The following ZNF326 variants were observed in gnomAD, a reference collection of about 807,000 sequenced individuals.
ZNF326 encodes the protein DBIRD complex subunit ZNF326.
Under a neutral mutation model 63.1 loss-of-function variants are expected in ZNF326, and 30 were observed. That is an observed-to-expected ratio of 0.48 (90% CI 0.36 to 0.64). ZNF326 has a LOEUF of 0.64. ZNF326 is among the 30% of genes least tolerant of loss of function. The pLI is 0.00. For synonymous variants in ZNF326, 194 were observed against 228.2 expected (o/e 0.85, Z 1.35); for missense variants, 609 against 720.3 (o/e 0.85, Z 1.77).
At position 90,028,913 on chromosome 1, in the gene ZNF326, C is replaced by T. The variant is rs1175797551; in HGVS notation, c.*1212C>T. ...CAACCTCCTGGGCTCAAGCGATCCT[C>T]CAACTTAGCCTCCCAAGTAGCTGGG... On this transcript the variant is annotated 3_prime_UTR_variant, in exon 12 of 12. Transcript: ENST00000340281. 6.6e-6 allele frequency: 1 copy of T among 151,746 alleles called. No homozygotes were observed. Among genetic ancestry groups the T allele is most frequent in the Non-Finnish European group, 1.5e-5 (1 of 68,068 alleles). The allele number at this position is 151,746 out of a possible 1,614,324, so 9.4% of individuals were successfully genotyped here. A position where few individuals can be genotyped will look rare whatever the true frequency, so the allele number is the denominator to read the frequency against.
At chr1:89,997,868 T>A (rs990925365) in intron 1 of ZNF326, among the ~76,000 whole-genome samples, 1 of 152,214 alleles carries the variant, frequency 6.6e-6, no homozygotes, top group African/African-American at 2.4e-5. Flanking sequence ...TCAGGTGTTG[T>A]AAACTAATGT....
At chr1:90,013,657 C>T (rs1299175794) in intron 7 of ZNF326, among the ~76,000 whole-genome samples, 1 of 152,052 alleles carries the variant, frequency 6.6e-6, no homozygotes, top group Non-Finnish European at 1.5e-5. Context: ...CATTAAAAAG[C>T]TATAATAGTT....
At chr1:89,997,799 C>T (rs542840674) in intron 1 of ZNF326, among the ~76,000 whole-genome samples, 83 of 152,288 alleles carry the variant, frequency 5.5e-4, no homozygotes, top group African/African-American at 1.9e-3. Flanking sequence ...AATCTATCTG[C>T]CTTTGTGTTA....
intron 7 of ZNF326, among the ~76,000 whole-genome samples, chr1:90,016,791 GCTTA>G (rs1455809238): frequency 6.6e-6 from 1 of 152,094 alleles, no homozygotes; most frequent in Non-Finnish European, 1.5e-5. Context: ...TGGCTCTTGA[GCTTA>G]CAGATGTATG....
At chr1:90,000,376 A>G (rs922277969) in intron 2 of ZNF326, among the ~76,000 whole-genome samples, 3 of 152,150 alleles carry the variant, frequency 2.0e-5, no homozygotes, top group Non-Finnish European at 4.4e-5. Context: ...TTCTTGCTTC[A>G]TAATACCTTT....
At chr1:90,011,796 T>G (rs1013448183) in intron 6 of ZNF326, among the ~76,000 whole-genome samples, 10 of 152,150 alleles carry the variant, frequency 6.6e-5, no homozygotes, top group African/African-American at 2.4e-4. Flanking sequence ...ATTCTTCTAT[T>G]CCAAAGAATT....
intron 1 of ZNF326, among the ~76,000 whole-genome samples, chr1:89,995,973 G>A (rs758235633): frequency 2.6e-5 from 4 of 152,154 alleles, no homozygotes; most frequent in Admixed American, 1.3e-4. Context: ...TCAGAATTTT[G>A]GCACAGCAAG....
intron 2 of ZNF326, among the ~76,000 whole-genome samples, chr1:90,002,481 C>G (rs1648732772): frequency 6.6e-6 from 1 of 151,940 alleles, no homozygotes; most frequent in South Asian, 2.1e-4. Context: ...TAATATGAGG[C>G]CTTAGAGGAA....
chr1:90,004,055 T>C (rs1228106609), intron 2 of ZNF326, among the ~76,000 whole-genome samples: 1 of 152,178 alleles, frequency 6.6e-6, no homozygotes, highest in Non-Finnish European at 1.5e-5. Flanking sequence ...TAAATGTTTG[T>C]TTTACTTTCT....
intron 5 of ZNF326, among the ~76,000 whole-genome samples, chr1:90,008,056 T>C (rs1422817806): frequency 6.6e-6 from 1 of 152,224 alleles, no homozygotes; most frequent in Non-Finnish European, 1.5e-5. Context: ...GCAGTTTTGC[T>C]GGTGGAATAG....
Position 90,028,857 on chromosome 1 carries a change from C to T in ZNF326, c.*1156C>T, listed in dbSNP as rs1196013677. On this transcript the variant is annotated 3_prime_UTR_variant, in exon 12 of 12. Coordinates refer to ENST00000340281, the MANE Select transcript of ZNF326 (RefSeq NM_182976.4). ...TTCTTTTTTGGGACAGGGTTTCACT[C>T]TGTCACCCAGGCTGGAGTGCAGTGT... 1 of 150,252 alleles carries T rather than the reference C, an allele frequency of 6.7e-6. No homozygotes were observed. The highest frequency in any genetic ancestry group is 2.5e-5 in the African/African-American group (1 of 40,810). 9.3% of individuals were successfully genotyped at this position (150,252 alleles called of 1,614,324 possible).
At chr1:90,027,293 A>G in intron 11 of ZNF326, 61 bp from the exon 12 acceptor site, 3 of 1,509,764 alleles carry the variant, frequency 2.0e-6, no homozygotes. Context: ...TAAAAATTTC[A>G]CTTGCCAGAT....
chr1:90,000,994 A>G lies in ZNF326; in HGVS notation c.61+2840A>G, dbSNP rs556904954. On this transcript the variant is annotated intron_variant, in intron 2 of 11. Coordinates refer to ENST00000340281, the MANE Select transcript of ZNF326 (RefSeq NM_182976.4). ...GTGAACAGGGGTGTATGTAATTGAT[A>G]ATGAAGTTAAGAGGTGATGGGGCAT... 2.9e-4 allele frequency among the ~76,000 whole-genome samples: 44 copies of G among 152,242 alleles called. No homozygotes were observed. The South Asian group carries it at 7.7e-3, about 27-fold the overall frequency.
At chr1:90,026,473 A>G (rs1424039737) in intron 11 of ZNF326, among the ~76,000 whole-genome samples, 1 of 152,204 alleles carries the variant, frequency 6.6e-6, no homozygotes, top group Admixed American at 6.5e-5. Flanking sequence ...ATAGCTGCCT[A>G]TTAGACATCT....
At chr1:89,998,030 G>T in intron 1 of ZNF326, 80 bp from the exon 2 acceptor site, 44 of 1,335,804 alleles carry the variant, frequency 3.3e-5, no homozygotes, top group Non-Finnish European at 4.5e-5. Context: ...AATTGTGCTT[G>T]TTTTTTACTG....
At chr1:90,013,489 G>T (rs1649352569) in intron 7 of ZNF326, among the ~76,000 whole-genome samples, 1 of 152,124 alleles carries the variant, frequency 6.6e-6, no homozygotes, top group South Asian at 2.1e-4. Flanking sequence ...TTCTTAAAAA[G>T]AAACACTTGT....
chr1:90,011,440 A>C (rs1333850241), intron 6 of ZNF326, among the ~76,000 whole-genome samples: 2 of 152,214 alleles, frequency 1.3e-5, no homozygotes, highest in East Asian at 3.9e-4. Context: ...GTAATATATA[A>C]ATAAGTAGAT....
At chr1:90,005,529 T>G in intron 4 of ZNF326, 1 of 1,007,180 alleles carries the variant, frequency 9.9e-7, no homozygotes, top group Non-Finnish European at 1.2e-6. Context: ...ACTTTTAACT[T>G]CTTGTCAATC....
At chr1:90,014,408 A>G (rs962620601) in intron 7 of ZNF326, among the ~76,000 whole-genome samples, 1 of 152,212 alleles carries the variant, frequency 6.6e-6, no homozygotes, top group African/African-American at 2.4e-5. Flanking sequence ...ATGATGAGGA[A>G]ACAAAAAACA....
Sources: gnomAD v4.1 joint callset for allele counts (sites outside exome capture counted in the v4.1 genomes callset) on GRCh38, gnomAD v4.1.1 for gene constraint, MANE v1.5 for transcripts, NCBI Gene and HGNC (gene_info 2026-07-23, HGNC 2026-07-21) for gene names.